The following UBE2D1 variants were observed in gnomAD, a reference collection of about 807,000 sequenced individuals.
UBE2D1 encodes ubiquitin conjugating enzyme E2 D1.
A neutral mutation model predicts 24.6 loss-of-function variants in UBE2D1; 9 were observed. That is an observed-to-expected ratio of 0.37 (90% confidence interval 0.22 to 0.64). UBE2D1 has a LOEUF of 0.64. Among genes scored for constraint, UBE2D1 ranks in the 30% least tolerant of loss-of-function variants. The pLI, the probability that UBE2D1 is intolerant of heterozygous loss-of-function variation, is 0.64. For missense variants in UBE2D1, 87 were observed against 177.1 expected (o/e 0.49, Z 2.89); for synonymous variants, 57 against 57.6 (o/e 0.99, Z 0.04).
Position 58,336,787 on chromosome 10 carries a change from G to T in UBE2D1, c.24+1562G>T, listed in dbSNP as rs1013136527. ...AATTCTATTTCCTTCTTTCCTAGTT[G>T]TGAGAATTTTTCACATGATTTTGCA... On this transcript the variant is annotated intron_variant, in intron 1 of 6. Transcript: ENST00000373910. Among the ~76,000 whole-genome samples, 9 of 152,238 alleles carry T rather than the reference G, an allele frequency of 5.9e-5. 1 individual carries two copies. The highest frequency in any genetic ancestry group is 2.2e-4 in the African/African-American group (9 of 41,554).
chr10:58,346,610 A>G (rs1165724171), intron 1 of UBE2D1, among the ~76,000 whole-genome samples: 1 of 152,190 alleles, frequency 6.6e-6, no homozygotes, highest in Non-Finnish European at 1.5e-5. Context: ...ACTAAAGGCA[A>G]GATTAAAAGT....
At chr10:58,367,161 G>A (rs1426564584) in intron 5 of UBE2D1, among the ~76,000 whole-genome samples, 1 of 152,074 alleles carries the variant, frequency 6.6e-6, no homozygotes, top group East Asian at 1.9e-4. Flanking sequence ...GAAAGGAAAC[G>A]CAGTGGGGTG....
chr10:58,368,639 G>A lies in UBE2D1; in HGVS notation c.399-81G>A, dbSNP rs1589005482. 3.2e-5 allele frequency: 29 copies of A among 919,978 alleles called. No homozygotes were observed. In the South Asian group the frequency reaches 6.4e-4, roughly 20 times the overall value. 57.0% of individuals were successfully genotyped at this position (919,978 alleles called of 1,614,324 possible). A position where few individuals can be genotyped will look rare whatever the true frequency, so the allele number is the denominator to read the frequency against. On this transcript the variant is annotated intron_variant, in intron 6 of 6. Transcript: ENST00000373910. ...TATTGCAATTAAGTATAAGAAGGTA[G>A]AATATATAGTTTTATTAGACAGATG...
chr10:58,363,262 C>T (rs781595963), intron 3 of UBE2D1, among the ~76,000 whole-genome samples: 184 of 152,228 alleles, frequency 1.2e-3, no homozygotes, highest in Admixed American at 4.4e-3. Flanking sequence ...TCTTTTCCCA[C>T]AGCAGTCGTG....
chr10:58,345,716 A>G (rs1366140536), intron 1 of UBE2D1, among the ~76,000 whole-genome samples: 1 of 152,218 alleles, frequency 6.6e-6, no homozygotes, highest in African/African-American at 2.4e-5. Context: ...ATTTGGGAAA[A>G]TCAGGAAAAA....
chr10:58,365,708 A>G (rs969020198), intron 5 of UBE2D1, among the ~76,000 whole-genome samples: 14 of 152,212 alleles, frequency 9.2e-5, no homozygotes, highest in African/African-American at 3.1e-4. Context: ...GAAAGAAGAG[A>G]ACCTGACAGT....
Position 58,335,052 on chromosome 10 carries a change from G to C in UBE2D1, c.-150G>C. 2.5e-6 allele frequency: 2 copies of C among 796,388 alleles called. No homozygotes were observed. The highest frequency in any genetic ancestry group is 2.0e-6 in the Non-Finnish European group (1 of 509,934). 49.3% of individuals were successfully genotyped at this position (796,388 alleles called of 1,614,324 possible). A position where few individuals can be genotyped will look rare whatever the true frequency, so the allele number is the denominator to read the frequency against. The stretch of plus-strand genomic sequence containing the variant: ...CTCGGGCGCACACGGAGCAGGGACC[G>C]GCGCCCGGAGCGAGCCAGGGAGCGG... On this transcript the variant is annotated 5_prime_UTR_variant, in exon 1 of 7. Coordinates refer to ENST00000373910, the MANE Select transcript of UBE2D1 (RefSeq NM_003338.5).
At chr10:58,335,805 C>A (rs1168937436) in intron 1 of UBE2D1, among the ~76,000 whole-genome samples, 1 of 152,164 alleles carries the variant, frequency 6.6e-6, no homozygotes, top group Non-Finnish European at 1.5e-5. Context: ...GGCTCCTGCC[C>A]CTTCTATTTT....
chr10:58,335,260 A>C, intron 1 of UBE2D1, 35 bp downstream of exon 1: 1 of 1,509,056 alleles, frequency 6.6e-7, no homozygotes, highest in Non-Finnish European at 8.8e-7. Flanking sequence ...GCTGCGGGGC[A>C]GCGGCCCCCT....
Position 58,335,679 on chromosome 10 carries a change from C to T in UBE2D1, c.24+454C>T, listed in dbSNP as rs542734586. 2.0e-5 allele frequency among the ~76,000 whole-genome samples: 3 copies of T among 152,368 alleles called. No homozygotes were observed. In the South Asian group the frequency reaches 6.2e-4, roughly 32 times the overall value. ...GGAGGGCAAGGAAGGTGGGGTGGGCCTGCAGCCTTTCTCCGCGGAGCTGTC... is the reference window on the plus strand; with the variant it reads ...GGAGGGCAAGGAAGGTGGGGTGGGCTTGCAGCCTTTCTCCGCGGAGCTGTC... On this transcript the variant is annotated intron_variant, in intron 1 of 6. Transcript: ENST00000373910.
chr10:58,361,714 A>T (rs936967642), intron 3 of UBE2D1, among the ~76,000 whole-genome samples, 188 bp downstream of exon 3: 1 of 152,074 alleles, frequency 6.6e-6, no homozygotes, highest in African/African-American at 2.4e-5. Flanking sequence ...TCCTGGGATC[A>T]CTATTATGTT....
intron 5 of UBE2D1, among the ~76,000 whole-genome samples, chr10:58,367,685 T>A (rs573620727): frequency 2.0e-5 from 3 of 152,318 alleles, no homozygotes; most frequent in Admixed American, 2.0e-4. Flanking sequence ...ACTCGGAATT[T>A]AAAACTTCAA....
rs1840285306 is a variant in UBE2D1, at chr10:58,368,851, G to C, written c.*86G>C. The C allele has an allele frequency of 3.5e-6, 3 of 857,204 alleles. No homozygotes were observed. The highest frequency in any genetic ancestry group is 4.1e-5 in the South Asian group (2 of 48,974). 53.1% of individuals were successfully genotyped at this position (857,204 alleles called of 1,614,324 possible). A position where few individuals can be genotyped will look rare whatever the true frequency, so the allele number is the denominator to read the frequency against. Reference sequence around the variant, plus strand: ...AGCAGTAAATTGAGCACTGTTTACTGTTTCATTGTACCATGAAACCATTTG... The same window carrying C: ...AGCAGTAAATTGAGCACTGTTTACTCTTTCATTGTACCATGAAACCATTTG... On this transcript the variant is annotated 3_prime_UTR_variant, in exon 7 of 7. Coordinates refer to ENST00000373910, the MANE Select transcript of UBE2D1 (RefSeq NM_003338.5).
chr10:58,350,772 CA>C (rs1023906793), intron 1 of UBE2D1, among the ~76,000 whole-genome samples: 9 of 152,100 alleles, frequency 5.9e-5, no homozygotes, highest in African/African-American at 1.7e-4. Context: ...TGTGTAATGA[CA>C]GGGATAATTT....
intron 1 of UBE2D1, among the ~76,000 whole-genome samples, chr10:58,336,306 T>C (rs1051419546): frequency 2.0e-5 from 3 of 152,220 alleles, no homozygotes; most frequent in East Asian, 1.9e-4. Context: ...ATGGACAGTG[T>C]ATTTTGTAGT....
intron 1 of UBE2D1, among the ~76,000 whole-genome samples, chr10:58,350,767 A>T (rs1840066019): frequency 6.6e-6 from 1 of 152,190 alleles, no homozygotes; most frequent in African/African-American, 2.4e-5. Flanking sequence ...TGCATTGTGT[A>T]ATGACAGGGA....
At chr10:58,344,000 A>G (rs542763429) in intron 1 of UBE2D1, among the ~76,000 whole-genome samples, 4 of 152,282 alleles carry the variant, frequency 2.6e-5, no homozygotes, top group African/African-American at 9.6e-5. Flanking sequence ...CTCCATTTGC[A>G]TATTTTATGT....
At chr10:58,359,628 A>G (rs1840172616) in intron 1 of UBE2D1, among the ~76,000 whole-genome samples, 1 of 152,146 alleles carries the variant, frequency 6.6e-6, no homozygotes, top group African/African-American at 2.4e-5. Flanking sequence ...ACATTTGTGG[A>G]ACTAAAACAT....
intron 6 of UBE2D1, 54 bp downstream of exon 6, chr10:58,368,070 CA>C: frequency 8.4e-7 from 1 of 1,195,558 alleles, no homozygotes; most frequent in East Asian, 2.4e-5. Flanking sequence ...TATAGTATGC[CA>C]AAACACGAAT....
Sources: gnomAD v4.1 joint callset for allele counts (sites outside exome capture counted in the v4.1 genomes callset) on GRCh38, gnomAD v4.1.1 for gene constraint, MANE v1.5 for transcripts, NCBI Gene and HGNC (gene_info 2026-07-23, HGNC 2026-07-21) for gene names.